The following SLC3A1 variants were observed in gnomAD, a reference collection of about 807,000 sequenced individuals.
The protein encoded by SLC3A1 is amino acid transporter heavy chain SLC3A1.
A neutral mutation model predicts 60.3 loss-of-function variants in SLC3A1; 78 were observed. The observed-to-expected ratio is 1.29, with a 90% CI of 1.08 to 1.56. The LOEUF (loss-of-function observed/expected upper bound fraction) is 1.56. SLC3A1 is among the 40% of genes most tolerant of loss of function. The pLI is 0.00. For synonymous variants in SLC3A1, 392 were observed against 307.9 expected (o/e 1.27, Z -2.86); for missense variants, 1,172 against 858.9 (o/e 1.36, Z -4.56).
At chr2:44,286,563 AGCTGTGCGGTGCCTGTGACG>A (rs1378042026) in intron 4 of SLC3A1, among the ~76,000 whole-genome samples, 30 of 138,424 alleles carry the variant, frequency 2.2e-4, no homozygotes, top group African/African-American at 7.6e-4. Context: ...TGTGACGGTG[AGCTGTGCGGTGCCTGTGACG>A]GTGAGCTGTG....
rs577045675 is a variant in SLC3A1, at chr2:44,312,610, C to G, written c.1357C>G (p.Leu453Val). The G allele has an allele frequency of 1.2e-6, 2 of 1,613,948 alleles. No individual in the cohort carries two copies. The highest frequency in any genetic ancestry group is 1.3e-5 in the African/African-American group (1 of 75,014). Residue 453 changes from leucine (L) to valine (V), a missense_variant, in exon 8 of 10, where the codon CTG becomes GTG. Physicochemically the swap from Leu to Val is conservative, Grantham distance 32. Coordinates refer to ENST00000260649, the MANE Select transcript of SLC3A1 (RefSeq NM_000341.4). ...GATTGGTGGACCAGACAGTTCACGG[C>G]TGACTTCGCGTTTGGGGAATCAGTA... ...WMIGGPDSSR[L>V]TSRLGNQYVN...
intron 4 of SLC3A1, among the ~76,000 whole-genome samples, chr2:44,293,680 G>A (rs898018628): frequency 1.3e-5 from 2 of 152,184 alleles, no homozygotes; most frequent in African/African-American, 2.4e-5. Context: ...CAACTGCAAC[G>A]TAGCTGGAGC....
At chr2:44,321,851 A>G, downstream of SLC3A1, 4 of 1,613,736 alleles carry the variant, frequency 2.5e-6, no homozygotes, top group Non-Finnish European at 3.4e-6. Context: ...CCTCAATTAC[A>G]TGATTGCCTC....
chr2:44,286,213 T>C lies in SLC3A1; in HGVS notation c.891+56T>C, dbSNP rs548325764. ...ATTAATGGAGGTTTAGGTATTTATT[T>C]AAAACACTTTATATTGCACAGTAAT... On this transcript the variant is annotated intron_variant, in intron 4 of 9. Coordinates refer to ENST00000260649, the MANE Select transcript of SLC3A1 (RefSeq NM_000341.4). The C allele has an allele frequency of 3.9e-5, 60 of 1,528,534 alleles. No homozygotes were observed. In the African/African-American group the frequency reaches 7.6e-4, roughly 19 times the overall value. 94.7% of individuals were successfully genotyped at this position (1,528,534 alleles called of 1,614,324 possible).
chr2:44,279,718 A>G (rs1238330686), intron 1 of SLC3A1, among the ~76,000 whole-genome samples: 1 of 152,134 alleles, frequency 6.6e-6, no homozygotes, highest in African/African-American at 2.4e-5. Context: ...ATAAAAATAT[A>G]TACATATTGT....
Position 44,321,060 on chromosome 2 carries a change from T to C in SLC3A1, c.*421T>C, listed in dbSNP as rs181839662. ...TTGTAAACTGCTCAACTGTTCTGAC[T>C]GGAAGGGAGGCCTGGAGCTCTGCTA... On this transcript the variant is annotated 3_prime_UTR_variant, in exon 10 of 10. Transcript: ENST00000260649. The C allele has an allele frequency of 2.4e-3, 1,010 of 415,042 alleles. 22 individuals carry two copies. Among genetic ancestry groups the C allele is most frequent in the Non-Finnish European group, 7.6e-4 (173 of 228,410 alleles). 25.7% of individuals were successfully genotyped at this position (415,042 alleles called of 1,614,324 possible).
chr2:44,285,555 C>G (rs899674181), intron 3 of SLC3A1: 7 of 408,410 alleles, frequency 1.7e-5, no homozygotes, highest in African/African-American at 1.5e-4. Flanking sequence ...TTCTTGGAGA[C>G]TGGTAGAGAT....
chr2:44,322,009 A>C (rs890606710), downstream of SLC3A1: 2 of 1,147,550 alleles, frequency 1.7e-6, no homozygotes, highest in African/African-American at 3.1e-5. Flanking sequence ...AATAATAGTA[A>C]AGGAATAAAA....
chr2:44,301,292 C>T (rs1241567032), intron 6 of SLC3A1, 165 bp downstream of exon 6: 4 of 874,506 alleles, frequency 4.6e-6, no homozygotes, highest in East Asian at 2.6e-5. Flanking sequence ...TATTCCTTTC[C>T]TGTTTGCTTA....
intron 7 of SLC3A1, among the ~76,000 whole-genome samples, chr2:44,307,493 A>C (rs1672186584): frequency 6.6e-6 from 1 of 151,640 alleles, no homozygotes; most frequent in Admixed American, 6.6e-5. Flanking sequence ...TCCACATCTC[A>C]TCAAGCCTTG....
intron 4 of SLC3A1, among the ~76,000 whole-genome samples, chr2:44,288,210 G>A (rs547425605): frequency 6.6e-6 from 1 of 151,962 alleles, no homozygotes; most frequent in Non-Finnish European, 1.5e-5. Context: ...TATTTTTGTA[G>A]AGACAGGGTT....
chr2:44,297,169 C>T (rs143892326), intron 4 of SLC3A1, among the ~76,000 whole-genome samples: 131 of 152,290 alleles, frequency 8.6e-4, no homozygotes, highest in African/African-American at 2.9e-3. Context: ...GATGGTTCTG[C>T]TCTAAAATGA....
intron 3 of SLC3A1, 172 bp from the exon 4 acceptor site, chr2:44,285,860 C>G: frequency 1.2e-6 from 1 of 806,474 alleles, no homozygotes; most frequent in Non-Finnish European, 2.2e-6. Flanking sequence ...AGGCATTAGG[C>G]CAATGGGGTG....
intron 9 of SLC3A1, among the ~76,000 whole-genome samples, chr2:44,315,710 G>T (rs1023365231): frequency 2.7e-5 from 4 of 146,050 alleles, no homozygotes; most frequent in Non-Finnish European, 4.5e-5. Context: ...AAACATACAG[G>T]AGAAAAACAG....
At chr2:44,315,653 C>CAAAAAAAAAAAAAAAAA (rs70965350) in intron 9 of SLC3A1, among the ~76,000 whole-genome samples, 1 of 52,618 alleles carries the variant, frequency 1.9e-5, no homozygotes, top group Non-Finnish European at 3.3e-5. Context: ...AAGACCGCCT[C>CAAAAAAAAAAAAAAAAA]AAAAAAAAAA....
intron 7 of SLC3A1, among the ~76,000 whole-genome samples, chr2:44,306,426 G>GT (rs1208491604): frequency 2.0e-5 from 3 of 152,174 alleles, no homozygotes; most frequent in African/African-American, 4.8e-5. Flanking sequence ...TTCTCCGTCT[G>GT]GTGAGGGGAA....
intron 3 of SLC3A1, among the ~76,000 whole-genome samples, chr2:44,284,606 A>C (rs1671573376): frequency 6.6e-6 from 1 of 152,180 alleles, no homozygotes; most frequent in Non-Finnish European, 1.5e-5. Flanking sequence ...TCTGTCACCC[A>C]GGCTGAAGCA....
At chr2:44,298,052 T>A (rs1321531917) in intron 4 of SLC3A1, among the ~76,000 whole-genome samples, 1 of 152,204 alleles carries the variant, frequency 6.6e-6, no homozygotes, top group Non-Finnish European at 1.5e-5. Context: ...TGAACAAGTT[T>A]TTGCGTGGAC....
intron 1 of SLC3A1, among the ~76,000 whole-genome samples, chr2:44,279,762 C>A (rs1447322379): frequency 6.6e-6 from 1 of 151,838 alleles, no homozygotes; most frequent in Non-Finnish European, 1.5e-5. Context: ...GGGGTTTTAT[C>A]ATGTTACCCA....
Sources: gnomAD v4.1 joint callset for allele counts (sites outside exome capture counted in the v4.1 genomes callset) on GRCh38, gnomAD v4.1.1 for gene constraint, MANE v1.5 for transcripts, NCBI Gene and HGNC (gene_info 2026-07-23, HGNC 2026-07-21) for gene names.